Variants in MAD1L1 observed in about 807,000 individuals in gnomAD.
MAD1L1 encodes mitotic arrest deficient 1 like 1, also known as mitotic spindle assembly checkpoint protein MAD1.
A neutral mutation model predicts 96.9 loss-of-function variants in MAD1L1; 95 were observed. That is an observed-to-expected ratio of 0.98 (90% CI 0.83 to 1.16). MAD1L1 has a LOEUF of 1.16. Among genes scored for constraint, MAD1L1 ranks in the 50% most tolerant of loss-of-function variants. MAD1L1 has a pLI of 0.00. For missense variants in MAD1L1, 1,007 were observed against 954.4 expected, an observed-to-expected ratio of 1.06 and a Z score of -0.73; for synonymous variants, 473 against 396.6, an observed-to-expected ratio of 1.19 and a Z score of -2.29.
At chr7:1,984,703 C>T (rs935377710) in intron 14 of MAD1L1, among the ~76,000 whole-genome samples, 1 of 152,250 alleles carries the variant, frequency 6.6e-6, no homozygotes, top group Non-Finnish European at 1.5e-5. Flanking sequence ...GCCTTTGCTT[C>T]CCGTACTTTC....
Position 2,088,122 on chromosome 7 carries a change from C to G in MAD1L1, c.1074-18784G>C, listed in dbSNP as rs1414830676. The stretch of plus-strand genomic sequence containing the variant: ...TTTAAAAGTCTACACACAAAGCACC[C>G]GCACAGGCTGAGTGGAAATATGGGG... On this transcript the variant is annotated intron_variant, in intron 11 of 18. Coordinates refer to ENST00000265854, the MANE Select transcript of MAD1L1 (RefSeq NM_001013836.2). The surrounding 1 kb of genome is among the most constrained non-coding windows in gnomAD (Gnocchi z 4.4). Among the ~76,000 whole-genome samples the G allele has an allele frequency of 6.6e-6, 1 of 152,198 alleles. No homozygotes were observed. Among genetic ancestry groups the G allele is most frequent in the Non-Finnish European group, 1.5e-5 (1 of 68,044 alleles).
chr7:2,099,915 T>C (rs1786691438), intron 11 of MAD1L1, among the ~76,000 whole-genome samples: 1 of 152,114 alleles, frequency 6.6e-6, no homozygotes, highest in Non-Finnish European at 1.5e-5. Context: ...GCACCAATGC[T>C]CTTGGTGTCA....
chr7:2,061,806 A>G (rs189000199), intron 12 of MAD1L1, among the ~76,000 whole-genome samples: 31 of 152,390 alleles, frequency 2.0e-4, no homozygotes, highest in African/African-American at 6.7e-4. Context: ...TTTTTATACA[A>G]TGGAAAACTT....
At chr7:2,227,425 C>T (rs982727196) in intron 3 of MAD1L1, among the ~76,000 whole-genome samples, 4 of 152,176 alleles carry the variant, frequency 2.6e-5, no homozygotes, top group African/African-American at 9.7e-5. Flanking sequence ...GAACATCTGG[C>T]CCTGTCTGGA....
intron 15 of MAD1L1, among the ~76,000 whole-genome samples, chr7:1,962,324 C>T (rs1455840888): frequency 6.6e-6 from 1 of 152,216 alleles, no homozygotes; most frequent in East Asian, 1.9e-4. Context: ...TGAGGCCTCC[C>T]CAGCCATGTA....
chr7:1,859,355 G>A (rs945468037), intron 18 of MAD1L1, among the ~76,000 whole-genome samples: 5 of 152,238 alleles, frequency 3.3e-5, no homozygotes, highest in Non-Finnish European at 5.9e-5. Context: ...CTTCCAGCTT[G>A]CATCTCCCCG....
intron 17 of MAD1L1, among the ~76,000 whole-genome samples, chr7:1,915,014 C>T (rs2128452640): frequency 6.6e-6 from 1 of 152,254 alleles, no homozygotes; most frequent in South Asian, 2.1e-4. Flanking sequence ...TTTTCCAGAG[C>T]CGAGCCCTCC....
intron 11 of MAD1L1, among the ~76,000 whole-genome samples, chr7:2,097,543 G>A (rs1463456585): frequency 1.3e-5 from 2 of 152,298 alleles, no homozygotes; most frequent in African/African-American, 2.4e-5. Context: ...AACCCAAGCT[G>A]GGAGCCAGGC....
At chr7:1,973,650 G>A (rs761492120) in intron 15 of MAD1L1, among the ~76,000 whole-genome samples, 3 of 152,290 alleles carry the variant, frequency 2.0e-5, no homozygotes, top group East Asian at 1.9e-4. Flanking sequence ...CCACCACCAC[G>A]GACAGGAGGC....
At chr7:2,173,314 C>T (rs1387426812) in intron 10 of MAD1L1, among the ~76,000 whole-genome samples, 4 of 152,162 alleles carry the variant, frequency 2.6e-5, no homozygotes, top group Non-Finnish European at 4.4e-5. Context: ...TCTGCCGCCC[C>T]GCAGGTACCA....
intron 11 of MAD1L1, among the ~76,000 whole-genome samples, chr7:2,101,585 C>A (rs1786783240): frequency 6.6e-6 from 1 of 152,032 alleles, no homozygotes; most frequent in African/African-American, 2.4e-5. Flanking sequence ...CCTAAAGGGT[C>A]TCCATCCGGG....
chr7:1,827,348 G>A (rs916682657), intron 18 of MAD1L1, among the ~76,000 whole-genome samples: 2 of 152,236 alleles, frequency 1.3e-5, no homozygotes, highest in African/African-American at 4.8e-5. Context: ...GCACACGGGT[G>A]AGGAGGGAGG....
chr7:2,044,292 G>A (rs1405093281), intron 12 of MAD1L1, among the ~76,000 whole-genome samples: 1 of 152,222 alleles, frequency 6.6e-6, no homozygotes, highest in Non-Finnish European at 1.5e-5. Context: ...CAACGAAACT[G>A]AGACACAGAC....
intron 11 of MAD1L1, among the ~76,000 whole-genome samples, chr7:2,076,790 C>T (rs1474801887): frequency 4.0e-5 from 6 of 151,602 alleles, no homozygotes; most frequent in South Asian, 2.1e-4. Flanking sequence ...GGTGAGCTCA[C>T]GGCACAGTGA....
At chr7:2,224,314 A>C (rs2115015102) in intron 4 of MAD1L1, among the ~76,000 whole-genome samples, 2 of 148,518 alleles carry the variant, frequency 1.3e-5, no homozygotes, top group South Asian at 2.1e-4. Context: ...ACTCCTGTGG[A>C]CTCTCCCTCC....
intron 17 of MAD1L1, among the ~76,000 whole-genome samples, chr7:1,917,486 C>T (rs903166990): frequency 2.0e-5 from 3 of 152,238 alleles, no homozygotes; most frequent in Admixed American, 2.0e-4. Flanking sequence ...CCCTCAGCAC[C>T]GCCTGGCCGG....
Position 2,114,268 on chromosome 7 carries a change from A to G in MAD1L1, c.1073+34884T>C, listed in dbSNP as rs984331580. 6.6e-6 allele frequency among the ~76,000 whole-genome samples: 1 copy of G among 152,236 alleles called. No individual in the cohort carries two copies. The highest frequency in any genetic ancestry group is 1.5e-5 in the Non-Finnish European group (1 of 68,042). On this transcript the variant is annotated intron_variant, in intron 11 of 18. Coordinates refer to ENST00000265854, the MANE Select transcript of MAD1L1 (RefSeq NM_001013836.2). The surrounding 1 kb of genome is among the most constrained non-coding windows in gnomAD (Gnocchi z 4.2). ...GCAAATGGCCGGATGGTAATGACTCATCCCAAAGGCCATCTCAACACACCT... is the reference window on the plus strand; with the variant it reads ...GCAAATGGCCGGATGGTAATGACTCGTCCCAAAGGCCATCTCAACACACCT...
At chr7:2,130,518 T>C (rs1788463299) in intron 11 of MAD1L1, among the ~76,000 whole-genome samples, 1 of 152,198 alleles carries the variant, frequency 6.6e-6, no homozygotes, top group African/African-American at 2.4e-5. Context: ...TGGGCCTCTC[T>C]CTCTCTCTGG....
chr7:2,027,095 A>G (rs927255324), intron 12 of MAD1L1, among the ~76,000 whole-genome samples: 2 of 152,190 alleles, frequency 1.3e-5, no homozygotes, highest in East Asian at 3.8e-4. Flanking sequence ...ACACAAATGA[A>G]TTTTAAAGTT....
Sources: gnomAD v4.1 joint callset for allele counts (sites outside exome capture counted in the v4.1 genomes callset) on GRCh38, gnomAD v4.1.1 for gene constraint, Gnocchi (gnomAD v3.1) non-coding constraint, MANE v1.5 for transcripts, NCBI Gene and HGNC (gene_info 2026-07-23, HGNC 2026-07-21) for gene names.